CCDC57: variants seen among roughly 807,000 people sequenced by gnomAD.
The protein encoded by CCDC57 is coiled-coil domain containing 57, also known as coiled-coil domain-containing protein 57.
In CCDC57, 118 loss-of-function variants were observed where a neutral mutation model predicts 118.9. The observed-to-expected ratio is 0.99, with a 90% CI of 0.86 to 1.16. The LOEUF (loss-of-function observed/expected upper bound fraction) is 1.16. CCDC57 is among the 50% of genes most tolerant of loss of function. The probability of loss-of-function intolerance (pLI) is 0.00; values close to 1 mark genes in which losing one functional copy is unlikely to be tolerated. For synonymous variants in CCDC57, 527 were observed against 532.9 expected (o/e 0.99, Z 0.15); for missense variants, 1,300 against 1,320.7 (o/e 0.98, Z 0.24).
chr17:82,151,898 T>C (rs1598957552), intron 15 of CCDC57, 125 bp from the exon 15 acceptor site: 1 of 763,628 alleles, frequency 1.3e-6, no homozygotes. Flanking sequence ...TGTCACTGGG[T>C]GACATCCTTC....
intron 2 of CCDC57, 31 bp from the exon 2 acceptor site, chr17:82,201,983 C>A (rs1221775327): frequency 1.3e-6 from 2 of 1,525,614 alleles, no homozygotes. Flanking sequence ...GTTCAGGGTG[C>A]ACCGTGAGGG....
In CCDC57 at chr17:82,118,831, T is replaced by C. The variant is rs185153009; in HGVS notation, c.2899+8861A>G. ...AAAACACTACCTTAGAAATCTGTGA[T>C]TTCTTCACCCGTATCTAAGGTTAAC... On this transcript the variant is annotated intron_variant, in intron 19 of 19. Transcript: ENST00000665763. This position sits in a 1 kb window ranked among gnomAD's most constrained non-coding sequence, Gnocchi z 4.7. Among the ~76,000 whole-genome samples, 344 of 152,100 alleles carry C rather than the reference T, an allele frequency of 2.3e-3. 5 individuals carry two copies. Among genetic ancestry groups the C allele is most frequent in the Non-Finnish European group, 3.1e-4 (21 of 68,002 alleles).
exon 11 of CCDC57, chr17:82,178,549 C>T: frequency 1.9e-6 from 3 of 1,613,724 alleles, no homozygotes; most frequent in Non-Finnish European, 2.5e-6. Context: ...TCACGGCCTT[C>T]AGCACCACCT....
chr17:82,141,862 C>T (rs139857816), intron 16 of CCDC57, among the ~76,000 whole-genome samples: 20 of 152,286 alleles, frequency 1.3e-4, no homozygotes, highest in Middle Eastern at 3.4e-3. Context: ...GTAGAAACTG[C>T]TTTGTCTACT....
chr17:82,146,595 T>C (rs2040768680), intron 16 of CCDC57, among the ~76,000 whole-genome samples: 1 of 152,194 alleles, frequency 6.6e-6, no homozygotes, highest in African/African-American at 2.4e-5. Flanking sequence ...AAGAAACAAA[T>C]GGGGTATGTT....
chr17:82,184,059 A>G (rs1183414830), intron 8 of CCDC57, 127 bp from the exon 8 acceptor site: 15 of 577,636 alleles, frequency 2.6e-5, no homozygotes, highest in African/African-American at 9.8e-5. Context: ...ACACACACAC[A>G]CACACACACA....
rs954398077 is a variant in CCDC57, at chr17:82,212,395, C to T, written c.-211+390G>A. Among the ~76,000 whole-genome samples, 3,178 of 134,130 alleles carry T rather than the reference C, an allele frequency of 0.024. 111 individuals are homozygous for T. The highest frequency in any genetic ancestry group is 0.052 in the South Asian group (224 of 4,296). 88.0% of individuals were successfully genotyped at this position (134,130 alleles called of 152,430 possible). ...ACCGCCTCCGGCCTTTTTTTTTCCT[C>T]TCTTTTTTTTTTTTTTTTTTTAAAC... On this transcript the variant is annotated intron_variant, in intron 1 of 19. Coordinates refer to ENST00000665763, the Ensembl canonical transcript of CCDC57. The surrounding 1 kb of genome is among the most constrained non-coding windows in gnomAD (Gnocchi z 4.1).
chr17:82,126,069 T>C (rs2037385829), intron 19 of CCDC57, among the ~76,000 whole-genome samples: 1 of 151,880 alleles, frequency 6.6e-6, no homozygotes, highest in Admixed American at 6.6e-5. Context: ...TCAACTGAGG[T>C]CAGGAGTTCG....
At chr17:82,148,773 AAGATAGGTGGGT>A (rs2041357882) in intron 16 of CCDC57, among the ~76,000 whole-genome samples, 14 of 19,544 alleles carry the variant, frequency 7.2e-4, no homozygotes, top group Admixed American at 1.6e-3. Flanking sequence ...GATGGATGGA[AAGATAGGTGGGT>A]GGATAGATGG....
intron 16 of CCDC57, among the ~76,000 whole-genome samples, chr17:82,144,918 C>T (rs1045164515): frequency 2.0e-5 from 3 of 152,036 alleles, no homozygotes; most frequent in African/African-American, 7.2e-5. Context: ...CACAGTAAGC[C>T]CCCTACATAC....
At chr17:82,132,372 T>C (rs924867515) in intron 17 of CCDC57, among the ~76,000 whole-genome samples, 1 of 152,006 alleles carries the variant, frequency 6.6e-6, no homozygotes, top group Non-Finnish European at 1.5e-5. Flanking sequence ...AAACACTGCC[T>C]GACTTTTCAA....
chr17:82,209,018 C>T (rs1019098972), intron 1 of CCDC57, among the ~76,000 whole-genome samples: 1 of 152,146 alleles, frequency 6.6e-6, no homozygotes, highest in African/African-American at 2.4e-5. Context: ...TGAACCACTG[C>T]ACCCAGCCTC....
At chr17:82,162,427 C>T (rs2043458800) in intron 14 of CCDC57, among the ~76,000 whole-genome samples, 1 of 152,236 alleles carries the variant, frequency 6.6e-6, no homozygotes, top group African/African-American at 2.4e-5. Context: ...ATACTGGTCC[C>T]AGCAGGAGTA....
intron 7 of CCDC57, 87 bp downstream of exon 6, chr17:82,193,669 C>T (rs530201021): frequency 4.1e-6 from 5 of 1,226,262 alleles, no homozygotes; most frequent in African/African-American, 1.5e-5. Context: ...ACCCTCTGCT[C>T]CCTGGGCCAT....
chr17:82,165,841 T>C (rs2043928006), intron 13 of CCDC57, among the ~76,000 whole-genome samples: 1 of 152,178 alleles, frequency 6.6e-6, no homozygotes, highest in Non-Finnish European at 1.5e-5. Context: ...ATCAAGGCTC[T>C]GGAAAGTAAT....
At chr17:82,164,504 C>T (rs1162856671) in intron 13 of CCDC57, among the ~76,000 whole-genome samples, 1 of 152,120 alleles carries the variant, frequency 6.6e-6, no homozygotes, top group Non-Finnish European at 1.5e-5. Flanking sequence ...ACAAAATCAA[C>T]AGTTGATTCT....
intron 11 of CCDC57, among the ~76,000 whole-genome samples, chr17:82,173,504 G>A (rs568585573): frequency 3.9e-5 from 6 of 152,262 alleles, no homozygotes; most frequent in South Asian, 2.1e-4. Context: ...CCAGATGAAC[G>A]CAAAGACAGG....
intron 11 of CCDC57, among the ~76,000 whole-genome samples, chr17:82,176,596 T>C (rs2045532969): frequency 6.6e-6 from 1 of 152,160 alleles, no homozygotes; most frequent in Non-Finnish European, 1.5e-5. Context: ...TGGGGGCCTT[T>C]GCAGCCTCCA....
intron 3 of CCDC57, among the ~76,000 whole-genome samples, chr17:82,200,154 A>G (rs1366963714): frequency 1.1e-4 from 16 of 152,200 alleles, no homozygotes; most frequent in Admixed American, 1.0e-3. Flanking sequence ...GCTGGACCGG[A>G]GCACCTGGTG....
Sources: allele counts gnomAD v4.1 joint callset (sites outside exome capture counted in the v4.1 genomes callset), GRCh38; gene constraint gnomAD v4.1.1; non-coding constraint Gnocchi (gnomAD v3.1); transcripts MANE v1.5; gene names NCBI Gene and HGNC (gene_info 2026-07-23, HGNC 2026-07-21).